The following CSGALNACT1 variants were observed in gnomAD, a reference collection of about 807,000 sequenced individuals.
CSGALNACT1 encodes chondroitin sulfate N-acetylgalactosaminyltransferase 1, also known as beta4GalNAcT-1.
A neutral mutation model predicts 51.0 loss-of-function variants in CSGALNACT1; 52 were observed. The ratio of observed to expected loss-of-function variants is 1.02; its 90% CI spans 0.82 to 1.29. The LOEUF (loss-of-function observed/expected upper bound fraction) is 1.29, where lower values mean the gene tolerates loss of function less well. Among genes scored for constraint, CSGALNACT1 ranks in the 50% most tolerant of loss-of-function variants. The pLI is 0.00. For missense variants in CSGALNACT1, 935 were observed against 679.2 expected, an observed-to-expected ratio of 1.38 and a Z score of -4.19; for synonymous variants, 341 against 254.4, an observed-to-expected ratio of 1.34 and a Z score of -3.24.
At chr8:19,542,199 A>AC (rs2085350130) in intron 3 of CSGALNACT1, among the ~76,000 whole-genome samples, 2 of 95,798 alleles carry the variant, frequency 2.1e-5, no homozygotes, top group African/African-American at 7.2e-5. Context: ...ACAGCACAAG[A>AC]AACACACACA....
upstream of CSGALNACT1, among the ~76,000 whole-genome samples, chr8:19,605,732 T>C (rs1447878427): frequency 6.6e-6 from 1 of 152,188 alleles, no homozygotes; most frequent in Non-Finnish European, 1.5e-5. Flanking sequence ...AAGTCCACCC[T>C]TCCCCACCCC....
In CSGALNACT1 at chr8:19,442,512, T is replaced by A. The variant is rs1202702992; in HGVS notation, c.852-2581A>T. Among the ~76,000 whole-genome samples the A allele has an allele frequency of 1.4e-5, 2 of 144,056 alleles. 1 individual carries two copies. Among genetic ancestry groups the A allele is most frequent in the South Asian group, 4.3e-4 (2 of 4,610 alleles). 94.5% of individuals were successfully genotyped at this position (144,056 alleles called of 152,430 possible). A position where few individuals can be genotyped will look rare whatever the true frequency, so the allele number is the denominator to read the frequency against. ...GCATGTTCTCACTCATAGGTGGGAATTGAACAATGAGAACACACGGACACA... is the reference window on the plus strand; with the variant it reads ...GCATGTTCTCACTCATAGGTGGGAAATGAACAATGAGAACACACGGACACA... On this transcript the variant is annotated intron_variant, in intron 5 of 9. Transcript: ENST00000454498.
intron 5 of CSGALNACT1, among the ~76,000 whole-genome samples, chr8:19,442,464 A>C (rs4535750): frequency 1.3e-5 from 2 of 150,926 alleles, no homozygotes; most frequent in Non-Finnish European, 3.0e-5. Context: ...GCAAACTATC[A>C]TAAGGACAAA....
intron 3 of CSGALNACT1, among the ~76,000 whole-genome samples, chr8:19,562,448 C>A (rs1210034662): frequency 6.7e-6 from 1 of 149,318 alleles, no homozygotes. Context: ...AAAGCAAAAA[C>A]TGACAAATGG....
At chr8:19,408,012 C>T (rs2054688280) in intron 9 of CSGALNACT1, among the ~76,000 whole-genome samples, 1 of 151,788 alleles carries the variant, frequency 6.6e-6, no homozygotes, top group East Asian at 1.9e-4. Context: ...TGAAGGTTAG[C>T]AGAGAGAAAT....
intron 4 of CSGALNACT1, among the ~76,000 whole-genome samples, chr8:19,477,015 A>T (rs2069863302): frequency 6.6e-6 from 1 of 152,186 alleles, no homozygotes; most frequent in African/African-American, 2.4e-5. Flanking sequence ...TGAAAATGGT[A>T]ATAATAACTC....
chr8:19,641,366 T>C (rs1451140754), intron 1 of CSGALNACT1, among the ~76,000 whole-genome samples: 1 of 152,108 alleles, frequency 6.6e-6, no homozygotes, highest in Non-Finnish European at 1.5e-5. Context: ...GCTGCCTTAA[T>C]CTAGTTCAGA....
intron 1 of CSGALNACT1, among the ~76,000 whole-genome samples, chr8:19,689,790 C>T (rs2061186245): frequency 1.3e-5 from 2 of 152,248 alleles, no homozygotes; most frequent in African/African-American, 4.8e-5. Flanking sequence ...TAGTTAAATC[C>T]CCAAACAGCA....
At chr8:19,590,067 G>C (rs1457071668) in intron 3 of CSGALNACT1, among the ~76,000 whole-genome samples, 1 of 152,150 alleles carries the variant, frequency 6.6e-6, no homozygotes, top group Non-Finnish European at 1.5e-5. Context: ...TACCAATTAG[G>C]TTGAAATGTC....
chr8:19,678,609 T>C (rs957448583), intron 1 of CSGALNACT1: 1 of 152,086 alleles, frequency 6.6e-6, no homozygotes, highest in Non-Finnish European at 1.5e-5. Flanking sequence ...ATGTCAACAA[T>C]AAAGTCATCA....
chr8:19,465,235 CGCCA>C (rs2066406861), intron 4 of CSGALNACT1, among the ~76,000 whole-genome samples: 1 of 152,110 alleles, frequency 6.6e-6, no homozygotes, highest in African/African-American at 2.4e-5. Flanking sequence ...AAGTGAAATG[CGCCA>C]GTCACAAAAA....
intron 1 of CSGALNACT1, among the ~76,000 whole-genome samples, chr8:19,678,317 T>C (rs978316074): frequency 1.3e-5 from 2 of 152,120 alleles, no homozygotes; most frequent in Non-Finnish European, 2.9e-5. Flanking sequence ...TACTGAAACC[T>C]AACAAACAGG....
At chr8:19,404,616 ATATATATT>A (rs1563228374) in exon 10 of CSGALNACT1, 1 of 437,324 alleles carries the variant, frequency 2.3e-6, no homozygotes, top group Admixed American at 2.6e-5. Flanking sequence ...CAATATATAT[ATATATATT>A]TTTTTCTCCA....
At chr8:19,528,514 C>T (rs1277021247) in intron 3 of CSGALNACT1, among the ~76,000 whole-genome samples, 2 of 152,116 alleles carry the variant, frequency 1.3e-5, no homozygotes, top group African/African-American at 2.4e-5. Flanking sequence ...AAGTGACTGC[C>T]TCTTTACTAA....
At chr8:19,505,806 G>A (rs1279234128) in exon 4 of CSGALNACT1, 8 of 1,613,094 alleles carry the variant, frequency 5.0e-6, no homozygotes, top group Middle Eastern at 1.6e-4. Flanking sequence ...GGAAATCCAC[G>A]CAAGCAGCCC....
intron 8 of CSGALNACT1, among the ~76,000 whole-genome samples, chr8:19,417,702 T>C (rs1266714661): frequency 6.6e-6 from 1 of 152,092 alleles, no homozygotes; most frequent in East Asian, 1.9e-4. Context: ...AGAACAGACG[T>C]CCCTCAGATG....
intron 1 of CSGALNACT1, among the ~76,000 whole-genome samples, chr8:19,695,815 A>G (rs1419103112): frequency 6.6e-6 from 1 of 152,208 alleles, no homozygotes; most frequent in East Asian, 1.9e-4. Flanking sequence ...CCTTCAGCGC[A>G]GGAGATTTTG....
chr8:19,442,266 A>T (rs1172470257), intron 5 of CSGALNACT1, among the ~76,000 whole-genome samples: 2 of 152,152 alleles, frequency 1.3e-5, no homozygotes, highest in African/African-American at 4.8e-5. Context: ...AGACACATGC[A>T]CATGTATGTT....
chr8:19,675,464 GGAGA>G (rs1174542987), intron 1 of CSGALNACT1, among the ~76,000 whole-genome samples: 6 of 151,992 alleles, frequency 3.9e-5, no homozygotes, highest in African/African-American at 1.5e-4. Context: ...GGAGAGAGCT[GGAGA>G]GAGAGATCCT....
Sources: gnomAD v4.1 joint callset for allele counts (sites outside exome capture counted in the v4.1 genomes callset) on GRCh38, gnomAD v4.1.1 for gene constraint, MANE v1.5 for transcripts, NCBI Gene and HGNC (gene_info 2026-07-23, HGNC 2026-07-21) for gene names.